RBM28: variants seen among roughly 807,000 people sequenced by gnomAD.
RBM28 encodes the protein RNA binding motif protein 28, also known as RNA-binding protein 28.
In RBM28, 78 loss-of-function variants were observed where a neutral mutation model predicts 98.3. The ratio of observed to expected loss-of-function variants is 0.79; its 90% confidence interval spans 0.66 to 0.96. The LOEUF (loss-of-function observed/expected upper bound fraction) is 0.96, where lower values mean the gene tolerates loss of function less well. RBM28 is among the 40% of genes least tolerant of loss of function. RBM28 has a pLI of 0.00. For missense variants in RBM28, 838 were observed against 913.0 expected, an observed-to-expected ratio of 0.92 and a Z score of 1.06; for synonymous variants, 306 against 330.9, an observed-to-expected ratio of 0.92 and a Z score of 0.82.
chr7:128,314,726 C>T (rs1484884230), intron 17 of RBM28, 38 bp downstream of exon 17: 3 of 1,613,972 alleles, frequency 1.9e-6, no homozygotes, highest in African/African-American at 2.7e-5. Context: ...GCTTAGAACC[C>T]ACCCACTGTT....
rs912759752 is a variant in RBM28 at position 128,338,389 on chromosome 7, G to A, written c.449-47C>T. ...AAGAAGTGAGAGGCAGCAGGAGGTAGCCAGAATACTAAGAAGTAAATTACT... is the reference window on the plus strand; with the variant it reads ...AAGAAGTGAGAGGCAGCAGGAGGTAACCAGAATACTAAGAAGTAAATTACT... On this transcript the variant is annotated intron_variant, in intron 4 of 18. Transcript: ENST00000223073. 4.7e-6 allele frequency: 7 copies of A among 1,476,492 alleles called. No homozygotes were observed. In the African/African-American group the frequency reaches 6.9e-5, roughly 15 times the overall value. 91.5% of individuals were successfully genotyped at this position (1,476,492 alleles called of 1,614,324 possible). A position where few individuals can be genotyped will look rare whatever the true frequency, so the allele number is the denominator to read the frequency against.
chr7:128,337,562 C>CTTT (rs57902037), intron 5 of RBM28, among the ~76,000 whole-genome samples: 64,860 of 139,610 alleles, frequency 0.46, 16,155 homozygotes, highest in African/African-American at 0.53. Flanking sequence ...GCAATAACTT[C>CTTT]TTTTTTTTTT....
chr7:128,337,795 T>A (rs1452095696), intron 5 of RBM28, among the ~76,000 whole-genome samples: 3 of 152,122 alleles, frequency 2.0e-5, no homozygotes, highest in Non-Finnish European at 4.4e-5. Context: ...TGACCTCAGG[T>A]GATCCACCTG....
intron 10 of RBM28, among the ~76,000 whole-genome samples, chr7:128,329,888 CAAAAAAA>C (rs398006204): frequency 2.0e-5 from 2 of 101,620 alleles, no homozygotes; most frequent in Non-Finnish European, 1.9e-5. Context: ...GACTCCGTCT[CAAAAAAA>C]AAAAAAAAAA....
chr7:128,300,762 C>T lies in RBM28; in HGVS notation c.*10035G>A, dbSNP rs1395960178. On this transcript the variant is annotated 3_prime_UTR_variant, in exon 19 of 19. Coordinates refer to ENST00000223073, the MANE Select transcript of RBM28 (RefSeq NM_018077.3). Reference sequence around the variant, plus strand: ...GGTTGCATGGATTGATGTCAAAAGCCTCCCAAGGCCCAGTCTGGGCCAGAT... The same window carrying T: ...GGTTGCATGGATTGATGTCAAAAGCTTCCCAAGGCCCAGTCTGGGCCAGAT... 2 of 152,300 alleles carry T rather than the reference C, an allele frequency of 1.3e-5. No individual in the cohort carries two copies. The highest frequency in any genetic ancestry group is 2.9e-5 in the Non-Finnish European group (2 of 68,080). The allele number at this position is 152,300 out of a possible 1,614,324, so 9.4% of individuals were successfully genotyped here. A position where few individuals can be genotyped will look rare whatever the true frequency, so the allele number is the denominator to read the frequency against.
At chr7:128,327,040 G>A (rs1276407503) in intron 10 of RBM28, among the ~76,000 whole-genome samples, 1 of 152,072 alleles carries the variant, frequency 6.6e-6, no homozygotes, top group Non-Finnish European at 1.5e-5. Context: ...AGAAAGCTGA[G>A]GTGGGAGGAT....
intron 17 of RBM28, 112 bp from the exon 18 acceptor site, chr7:128,313,386 A>G: frequency 9.6e-7 from 1 of 1,040,486 alleles, no homozygotes; most frequent in Non-Finnish European, 1.5e-6. Flanking sequence ...GTCATTCTAA[A>G]AAGGGATACT....
Position 128,323,670 on chromosome 7 carries a change from T to C in RBM28, c.1340-79A>G, listed in dbSNP as rs575929386. Reference sequence around the variant, plus strand: ...AACAAGAGGAATGTGATTTGAATGATGCAAACTCTTTGTACAGGGCCCAGA... The same window carrying C: ...AACAAGAGGAATGTGATTTGAATGACGCAAACTCTTTGTACAGGGCCCAGA... On this transcript the variant is annotated intron_variant, in intron 12 of 18. Transcript: ENST00000223073. 8.5e-6 allele frequency: 13 copies of C among 1,529,254 alleles called. No individual in the cohort carries two copies. The East Asian group carries it at 1.3e-4, about 16-fold the overall frequency. 94.7% of individuals were successfully genotyped at this position (1,529,254 alleles called of 1,614,324 possible).
rs142288769 is a variant in RBM28, at chr7:128,339,283, T to C, written c.316A>G (p.Lys106Glu). ...GCTTTCTTATCTGCCACTTTGGCTT[T>C]TTTAGCCTTCGGCTCCTTCTTTGGG... ...ECPKKEPKAK[K>E]AKVADKKARL... The change falls in exon 3 of 19, where the codon AAA becomes GAA. Residue 106 changes from lysine (K) to glutamate (E), a missense_variant. Transcript: ENST00000223073. 3 of 1,613,706 alleles carry C rather than the reference T, an allele frequency of 1.9e-6. No individual in the cohort carries two copies. Among genetic ancestry groups the C allele is most frequent in the African/African-American group, 1.3e-5 (1 of 74,940 alleles).
intron 6 of RBM28, among the ~76,000 whole-genome samples, chr7:128,336,882 G>A (rs1796612495): frequency 6.6e-6 from 1 of 152,014 alleles, no homozygotes; most frequent in Non-Finnish European, 1.5e-5. Context: ...CCAAGCAGGT[G>A]GGATGACAGG....
chr7:128,343,500 C>T (rs774643343), intron 1 of RBM28, among the ~76,000 whole-genome samples, 176 bp downstream of exon 1: 31 of 152,202 alleles, frequency 2.0e-4, no homozygotes, highest in Middle Eastern at 3.2e-3. Context: ...AATGCTTTGC[C>T]CTTCATAAAC....
chr7:128,337,431 T>G (rs888710791), intron 5 of RBM28, among the ~76,000 whole-genome samples: 5 of 151,234 alleles, frequency 3.3e-5, no homozygotes, highest in African/African-American at 7.4e-5. Context: ...CCACCACACC[T>G]GGGATAAGAT....
intron 4 of RBM28, 126 bp from the exon 5 acceptor site, chr7:128,338,468 C>G: frequency 1.2e-6 from 1 of 823,296 alleles, no homozygotes; most frequent in South Asian, 1.4e-5. Context: ...AGGCCCTTCC[C>G]CAAAGCAATT....
chr7:128,318,203 G>C, intron 14 of RBM28, 97 bp from the exon 15 acceptor site: 1 of 1,268,406 alleles, frequency 7.9e-7, no homozygotes, highest in Non-Finnish European at 1.1e-6. Context: ...TCAGGCTATT[G>C]GGTGGGCATG....
At chr7:128,327,076 G>A (rs1176929233) in intron 10 of RBM28, among the ~76,000 whole-genome samples, 1 of 151,950 alleles carries the variant, frequency 6.6e-6, no homozygotes, top group Non-Finnish European at 1.5e-5. Context: ...GGTCAAGGCT[G>A]CAGTAAGCCA....
chr7:128,338,165 T>C, intron 5 of RBM28, 85 bp downstream of exon 5: 4 of 990,368 alleles, frequency 4.0e-6, no homozygotes, highest in Non-Finnish European at 6.5e-6. Flanking sequence ...AAACATCTTT[T>C]GAAAATGCAG....
intron 6 of RBM28, among the ~76,000 whole-genome samples, chr7:128,336,310 C>G (rs1421529544): frequency 1.3e-5 from 2 of 152,212 alleles, no homozygotes; most frequent in African/African-American, 4.8e-5. Flanking sequence ...GAAGTGGCAA[C>G]TGAGCCTCTC....
rs180759065 is a variant in RBM28 at position 128,303,622 on chromosome 7, T to C, written c.*7175A>G. The C allele has an allele frequency of 2.0e-3, 307 of 152,380 alleles. No homozygotes were observed. The highest frequency in any genetic ancestry group is 7.1e-3 in the African/African-American group (294 of 41,580). 9.4% of individuals were successfully genotyped at this position (152,380 alleles called of 1,614,324 possible). On this transcript the variant is annotated 3_prime_UTR_variant, in exon 19 of 19. Transcript: ENST00000223073. ...ACAGGCAGCTGCTCCAGGTGTCGTT[T>C]AAGGGCTCCAAATTCCTTCCAACTA... is the stretch of plus-strand genomic sequence containing the variant.
Position 128,335,851 on chromosome 7 carries a change from T to C in RBM28, c.805A>G (p.Lys269Glu), listed in dbSNP as rs1796586263. The C allele has an allele frequency of 6.2e-7, 1 of 1,614,158 alleles. No homozygotes were observed. Among genetic ancestry groups the C allele is most frequent in the Non-Finnish European group, 8.5e-7 (1 of 1,180,034 alleles). ...AGAACAGGATGAGCTGCTTACCTCT[T>C]CTGAATTTGCACAGGCTTGGTCACC... ...SKVTKPVQIQ[K>E]RAVKRPAPAK... The change falls in exon 7 of 19, where the codon AAG (lysine) becomes GAG (glutamate). Residue 269 changes from lysine (K) to glutamate (E), a missense_variant. Coordinates refer to ENST00000223073, the MANE Select transcript of RBM28 (RefSeq NM_018077.3).
Sources: gnomAD v4.1 joint callset for allele counts (sites outside exome capture counted in the v4.1 genomes callset) on GRCh38, gnomAD v4.1.1 for gene constraint, MANE v1.5 for transcripts, NCBI Gene and HGNC (gene_info 2026-07-23, HGNC 2026-07-21) for gene names.